Variants in ESR1 observed in about 807,000 individuals in gnomAD.
ESR1 encodes estrogen receptor.
A neutral mutation model predicts 52.7 loss-of-function variants in ESR1; 12 were observed. The ratio of observed to expected loss-of-function variants is 0.23; its 90% CI spans 0.15 to 0.37. The LOEUF is 0.37. Among genes scored for constraint, ESR1 ranks in the 10% least tolerant of loss-of-function variants. ESR1 has a pLI of 1.00. For missense variants in ESR1, 584 were observed against 779.7 expected (o/e 0.75, Z 2.99); for synonymous variants, 305 against 316.8 (o/e 0.96, Z 0.39).
At chr6:152,015,885 A>G (rs1024816323) in intron 5 of ESR1, among the ~76,000 whole-genome samples, 2 of 152,168 alleles carry the variant, frequency 1.3e-5, no homozygotes, top group African/African-American at 4.8e-5. Context: ...TCTTTCCCAT[A>G]ATCAAACCCC....
At chr6:151,851,523 TGAA>T (rs1786702818) in intron 2 of ESR1, among the ~76,000 whole-genome samples, 1 of 115,024 alleles carries the variant, frequency 8.7e-6, no homozygotes, top group South Asian at 3.4e-4. Context: ...AGAGGTATGA[TGAA>T]GGAGTTTTTT....
intron 2 of ESR1, among the ~76,000 whole-genome samples, chr6:151,721,050 G>A (rs1410557626): frequency 6.6e-6 from 1 of 152,142 alleles, no homozygotes; most frequent in Non-Finnish European, 1.5e-5. Flanking sequence ...ATAATTTGTA[G>A]GATTGAAATA....
At chr6:152,119,245 T>C (rs2051247247) in intron 6 of ESR1, among the ~76,000 whole-genome samples, 1 of 152,216 alleles carries the variant, frequency 6.6e-6, no homozygotes, top group Admixed American at 6.5e-5. Context: ...TGCATTTTTA[T>C]AGTAAATCTC....
At chr6:152,026,776 T>C (rs1408776548) in intron 5 of ESR1, among the ~76,000 whole-genome samples, 1 of 152,114 alleles carries the variant, frequency 6.6e-6, no homozygotes, top group Admixed American at 6.6e-5. Flanking sequence ...GTAGTAAAAT[T>C]AGCTAGTAAC....
Position 151,903,732 on chromosome 6 carries a change from A to G in ESR1, c.760+22961A>G, listed in dbSNP as rs1053435199. 9.5e-4 allele frequency among the ~76,000 whole-genome samples: 145 copies of G among 152,120 alleles called. 1 individual carries two copies. The highest frequency in any genetic ancestry group is 9.5e-3 in the Admixed American group (145 of 15,264). On this transcript the variant is annotated intron_variant, in intron 3 of 7. Transcript: ENST00000206249. ...CCTGGCCCTTGGATTATGCTGTCCC[A>G]CCAGTGCCCAGCTGGCTGCTTGGCA... is the stretch of plus-strand genomic sequence containing the variant.
intron 1 of ESR1, among the ~76,000 whole-genome samples, chr6:151,669,169 AGAGAGAGAGAGAGAGAGAGATGGG>A (rs1777947293): frequency 1.6e-5 from 2 of 126,392 alleles, no homozygotes; most frequent in Non-Finnish European, 1.8e-5. Flanking sequence ...AGAGAGAGAG[AGAGAGAGAGAGAGAGAGAGATGGG>A]AATCCAGGGG....
chr6:151,861,207 C>T (rs1198272623), intron 2 of ESR1, among the ~76,000 whole-genome samples: 1 of 152,048 alleles, frequency 6.6e-6, no homozygotes, highest in Non-Finnish European at 1.5e-5. Context: ...TGTCTCTTTC[C>T]ATGAGAACAC....
chr6:151,801,068 G>GTGTGTC (rs1338410978), upstream of ESR1, among the ~76,000 whole-genome samples: 3 of 151,798 alleles, frequency 2.0e-5, no homozygotes, highest in Admixed American at 6.6e-5. Context: ...GTGTGTGTGT[G>GTGTGTC]TGTGTGTGTG....
At chr6:151,723,762 C>T (rs764179270) in intron 2 of ESR1, among the ~76,000 whole-genome samples, 15 of 151,806 alleles carry the variant, frequency 9.9e-5, no homozygotes, top group African/African-American at 1.2e-4. Context: ...CTTAGCTACT[C>T]GGGAGGCTGA....
chr6:151,760,738 C>T (rs1784602065), intron 2 of ESR1, among the ~76,000 whole-genome samples: 1 of 152,220 alleles, frequency 6.6e-6, no homozygotes, highest in Admixed American at 6.5e-5. Flanking sequence ...AAACGCACTG[C>T]ACATACTTAT....
intron 2 of ESR1, among the ~76,000 whole-genome samples, chr6:151,848,890 A>G (rs1785744844): frequency 6.6e-6 from 1 of 152,022 alleles, no homozygotes; most frequent in South Asian, 2.1e-4. Context: ...CATTCGACAT[A>G]TTCTCTCTCC....
chr6:151,882,095 A>ATT (rs1308514168), intron 3 of ESR1, among the ~76,000 whole-genome samples: 1 of 152,050 alleles, frequency 6.6e-6, no homozygotes, highest in Non-Finnish European at 1.5e-5. Flanking sequence ...AGGAATAGTG[A>ATT]TTTTGCAAAT....
At chr6:151,989,029 G>T (rs896743623) in intron 4 of ESR1, among the ~76,000 whole-genome samples, 5 of 152,004 alleles carry the variant, frequency 3.3e-5, no homozygotes, top group Admixed American at 6.6e-5. Flanking sequence ...CTCCTAGCTG[G>T]ATCTTCCGCT....
chr6:151,691,063 G>A (rs988782297), intron 1 of ESR1, among the ~76,000 whole-genome samples: 1 of 152,202 alleles, frequency 6.6e-6, no homozygotes, highest in Non-Finnish European at 1.5e-5. Context: ...TCTCAGAGTA[G>A]CATGAACACA....
intron 2 of ESR1, among the ~76,000 whole-genome samples, chr6:151,729,277 T>C (rs1258425322): frequency 1.3e-5 from 2 of 152,184 alleles, no homozygotes; most frequent in Admixed American, 6.5e-5. Flanking sequence ...CCTCACCAGA[T>C]ACCAAATTTG....
intron 4 of ESR1, among the ~76,000 whole-genome samples, chr6:151,953,861 T>G (rs2036602261): frequency 6.6e-6 from 1 of 152,206 alleles, no homozygotes; most frequent in Non-Finnish European, 1.5e-5. Flanking sequence ...GAAATTTGTT[T>G]CATACCACTT....
chr6:152,125,210 G>T, intron 6 of ESR1: 1 of 1,529,266 alleles, frequency 6.5e-7, no homozygotes. Flanking sequence ...GAAATGTTTT[G>T]CTGGTTGGTG....
chr6:152,123,599 T>C (rs1454479817), intron 6 of ESR1, among the ~76,000 whole-genome samples: 3 of 152,190 alleles, frequency 2.0e-5, no homozygotes, highest in Non-Finnish European at 4.4e-5. Context: ...TGAACAGCCA[T>C]TACCTTTTTT....
At chr6:151,985,534 C>CAAA (rs2040399750) in intron 4 of ESR1, among the ~76,000 whole-genome samples, 2 of 90,004 alleles carry the variant, frequency 2.2e-5, no homozygotes, top group African/African-American at 8.7e-5. Flanking sequence ...AAAAAAAAAA[C>CAAA]ACAAACAAAA....
Sources: allele counts gnomAD v4.1 joint callset (sites outside exome capture counted in the v4.1 genomes callset), GRCh38; gene constraint gnomAD v4.1.1; transcripts MANE v1.5; gene names NCBI Gene and HGNC (gene_info 2026-07-23, HGNC 2026-07-21).